The following FAAH2 variants were observed in gnomAD, a reference collection of about 807,000 sequenced individuals.
FAAH2 encodes fatty-acid amide hydrolase 2.
In FAAH2, 60 loss-of-function variants were observed where a neutral mutation model predicts 36.9. The ratio of observed to expected loss-of-function variants is 1.63; its 90% confidence interval spans 1.32 to 2.02. The LOEUF (loss-of-function observed/expected upper bound fraction) is 2.02, where lower values mean the gene tolerates loss of function less well. Ranked by LOEUF, FAAH2 falls within the 30% of genes most tolerant of loss-of-function variation. FAAH2 has a pLI of 0.00. For missense variants in FAAH2, 689 were observed against 397.5 expected, an observed-to-expected ratio of 1.73 and a Z score of -6.23; for synonymous variants, 214 against 143.8, an observed-to-expected ratio of 1.49 and a Z score of -3.49.
chrX:57,357,771 G>C (rs1169301330), intron 5 of FAAH2, among the ~76,000 whole-genome samples: 1 of 111,797 alleles, frequency 8.9e-6, no homozygotes, highest in Non-Finnish European at 1.9e-5. Context: ...TGTGAAGACA[G>C]TGTGGTGATT....
intron 10 of FAAH2, among the ~76,000 whole-genome samples, chrX:57,485,278 G>A (rs1017704863): frequency 9.0e-6 from 1 of 111,495 alleles, no homozygotes; most frequent in Non-Finnish European, 1.9e-5. Flanking sequence ...CAAAGTTAGT[G>A]GCAGTGGTGG....
At chrX:57,420,715 C>A (rs1455787701) in intron 7 of FAAH2, among the ~76,000 whole-genome samples, 4 of 107,624 alleles carry the variant, frequency 3.7e-5, no homozygotes, top group African/African-American at 1.4e-4. Context: ...CCTTTATTTC[C>A]TTCTCCTGCC....
chrX:57,448,601 C>A lies in FAAH2; in HGVS notation c.1306C>A (p.Arg436Ser), dbSNP rs190145044. 4 of 1,209,458 alleles carry A rather than the reference C, an allele frequency of 3.3e-6. No individual in the cohort carries two copies. Among genetic ancestry groups the A allele is most frequent in the African/African-American group, 3.5e-5 (2 of 57,131 alleles). ...QKFKAVEESL[R>S]KELVDMLGDD... ...GTTTAAGGCAGTGGAAGAAAGCCTG[C>A]GTAAAGAGCTGGTGGATATGCTAGG... The change falls in exon 10 of 11, where the codon CGT (arginine) becomes AGT (serine). Residue 436 changes from arginine to serine, a missense_variant. Arg to Ser is a moderately radical substitution (Grantham distance 110). Transcript: ENST00000374900.
At chrX:57,194,358 T>C in the FAAH2 span, among the ~76,000 whole-genome samples, 1 of 111,521 alleles carries the variant, frequency 9.0e-6, no homozygotes, top group African/African-American at 3.2e-5. Context: ...TCTGCAGTTG[T>C]AATGCCTACT....
intron 7 of FAAH2, among the ~76,000 whole-genome samples, chrX:57,421,954 G>A (rs1602609510): frequency 8.9e-6 from 1 of 111,922 alleles, no homozygotes; most frequent in Non-Finnish European, 1.9e-5. Context: ...TAAGGAAAAG[G>A]CAAAGTCCTA....
At chrX:57,286,088 G>C (rs2051805887), upstream of FAAH2, among the ~76,000 whole-genome samples, 1 of 111,493 alleles carries the variant, frequency 9.0e-6, no homozygotes, top group East Asian at 2.8e-4. Flanking sequence ...GGGACAAAAG[G>C]ATGAGTTTTG....
chrX:57,316,114 C>G (rs2052830602), intron 3 of FAAH2, among the ~76,000 whole-genome samples: 1 of 111,045 alleles, frequency 9.0e-6, no homozygotes, highest in Admixed American at 9.6e-5. Context: ...TTGAGATTCA[C>G]ACAATCCCAT....
the FAAH2 span, among the ~76,000 whole-genome samples, chrX:57,194,012 T>G: frequency 2.7e-5 from 3 of 111,705 alleles, no homozygotes. Flanking sequence ...TTTGTCTGGT[T>G]TTGGCATCAG....
chrX:57,137,038 T>C, the FAAH2 span: 423 of 824,931 alleles, frequency 5.1e-4, no homozygotes, highest in South Asian at 2.8e-3. Flanking sequence ...CCTTGCTTCC[T>C]GGCGCTCACC....
chrX:57,161,658 T>C, the FAAH2 span, among the ~76,000 whole-genome samples: 2 of 111,626 alleles, frequency 1.8e-5, no homozygotes, highest in African/African-American at 6.5e-5. Context: ...TGAAAGTCTG[T>C]CTTATCAGAA....
the FAAH2 span, among the ~76,000 whole-genome samples, chrX:57,201,589 G>A: frequency 8.9e-6 from 1 of 111,765 alleles, no homozygotes; most frequent in Non-Finnish European, 1.9e-5. Flanking sequence ...GATTAAGTTT[G>A]CTTGGTGTTC....
At chrX:57,223,756 A>G in the FAAH2 span, among the ~76,000 whole-genome samples, 1 of 111,923 alleles carries the variant, frequency 8.9e-6, no homozygotes, top group East Asian at 2.8e-4. Context: ...GAAGGTATAA[A>G]TGTCATCACA....
At chrX:57,323,974 G>T (rs1397086130) in intron 3 of FAAH2, among the ~76,000 whole-genome samples, 1 of 111,333 alleles carries the variant, frequency 9.0e-6, no homozygotes, top group African/African-American at 3.3e-5. Context: ...ATGGTTTTAG[G>T]TCTAACATTT....
At chrX:57,217,541 C>A in the FAAH2 span, among the ~76,000 whole-genome samples, 4 of 111,833 alleles carry the variant, frequency 3.6e-5, no homozygotes, top group African/African-American at 1.3e-4. Context: ...AAAAGGGTGT[C>A]TTTTCCCCAC....
At chrX:57,383,206 C>A (rs1210042020) in intron 7 of FAAH2, among the ~76,000 whole-genome samples, 2 of 111,690 alleles carry the variant, frequency 1.8e-5, no homozygotes, top group African/African-American at 6.5e-5. Context: ...TATGACAAAC[C>A]CACAGCCAAT....
chrX:57,447,721 G>T (rs888513625), intron 9 of FAAH2, among the ~76,000 whole-genome samples: 1 of 63,905 alleles, frequency 1.6e-5, no homozygotes, highest in Non-Finnish European at 3.1e-5. Context: ...GGGCTGGAAT[G>T]CAGGGCACCA....
intron 5 of FAAH2, among the ~76,000 whole-genome samples, chrX:57,377,327 G>A (rs1003043718): frequency 2.7e-5 from 3 of 112,244 alleles, no homozygotes; most frequent in Non-Finnish European, 3.8e-5. Context: ...TTTTGTATAA[G>A]GTGTAGGAAG....
At chrX:57,216,247 T>C in the FAAH2 span, among the ~76,000 whole-genome samples, 2 of 106,202 alleles carry the variant, frequency 1.9e-5, no homozygotes, top group Non-Finnish European at 3.9e-5. Context: ...CTGCACCATA[T>C]ATGTTGTCTT....
chrX:57,333,761 A>G lies in FAAH2; in HGVS notation c.622+1954A>G, dbSNP rs571174295. ...AAGATTGAAAAAGACAGAAGAGACT[A>G]TCTAATAACTGTTGGATTACAAATG... On this transcript the variant is annotated intron_variant, in intron 4 of 10. Coordinates refer to ENST00000374900, the MANE Select transcript of FAAH2 (RefSeq NM_174912.4). Among the ~76,000 whole-genome samples, 8 of 111,747 alleles carry G rather than the reference A, an allele frequency of 7.2e-5. No homozygotes were observed. The East Asian group carries it at 2.3e-3, about 32-fold the overall frequency.
Sources: allele counts gnomAD v4.1 joint callset (sites outside exome capture counted in the v4.1 genomes callset), GRCh38; gene constraint gnomAD v4.1.1; transcripts MANE v1.5; gene names NCBI Gene and HGNC (gene_info 2026-07-23, HGNC 2026-07-21).